The following REDIC1 variants were observed in gnomAD, a reference collection of about 807,000 sequenced individuals.
REDIC1 encodes HEI10 Interacting Protein 1.
the REDIC1 span, among the ~76,000 whole-genome samples, chr12:39,799,806 C>T: frequency 6.6e-6 from 1 of 152,106 alleles, no homozygotes; most frequent in Non-Finnish European, 1.5e-5. Context: ...AGCCTGGCAA[C>T]TGAGGAGAGC....
the REDIC1 span, among the ~76,000 whole-genome samples, chr12:39,868,976 T>C: frequency 2.6e-5 from 4 of 152,312 alleles, no homozygotes; most frequent in South Asian, 8.3e-4. Flanking sequence ...TCACTATTTT[T>C]AGTCCAATAT....
At chr12:39,650,345 G>T in the REDIC1 span, 8 of 1,609,488 alleles carry the variant, frequency 5.0e-6, no homozygotes, top group Non-Finnish European at 6.8e-6. This position sits in a 1 kb window ranked among gnomAD's most constrained non-coding sequence, Gnocchi z 4.3. Context: ...TTATTTGAAA[G>T]ATTAAACAGG....
chr12:39,686,502 T>C, the REDIC1 span, among the ~76,000 whole-genome samples: 1 of 152,188 alleles, frequency 6.6e-6, no homozygotes, highest in African/African-American at 2.4e-5. Context: ...GGAGCAGTGT[T>C]CTGAGGCTGC....
chr12:39,895,388 G>C, the REDIC1 span, among the ~76,000 whole-genome samples: 1 of 150,406 alleles, frequency 6.6e-6, no homozygotes, highest in Non-Finnish European at 1.5e-5. Flanking sequence ...TACTTGGCAG[G>C]CTGAGGCAGG....
At chr12:39,873,804 T>C in the REDIC1 span, among the ~76,000 whole-genome samples, 1 of 152,180 alleles carries the variant, frequency 6.6e-6, no homozygotes, top group Non-Finnish European at 1.5e-5. Context: ...CTATACAAAG[T>C]ATTTTAGGTA....
At chr12:39,773,130 G>A in the REDIC1 span, among the ~76,000 whole-genome samples, 1 of 152,346 alleles carries the variant, frequency 6.6e-6, no homozygotes, top group Non-Finnish European at 1.5e-5. Context: ...TTTGACATCA[G>A]TGTGTGGGCT....
the REDIC1 span, among the ~76,000 whole-genome samples, chr12:39,702,330 C>G: frequency 3.7e-4 from 57 of 152,278 alleles, 1 homozygote; most frequent in African/African-American, 1.3e-3. Context: ...ACTAGAAAAT[C>G]TAGAAGAAAT....
chr12:39,895,256 C>G, the REDIC1 span, among the ~76,000 whole-genome samples: 8 of 151,676 alleles, frequency 5.3e-5, no homozygotes, highest in Non-Finnish European at 7.4e-5. Context: ...AAAAAAAGGC[C>G]GAGGCGGGCG....
the REDIC1 span, among the ~76,000 whole-genome samples, chr12:39,697,353 A>G: frequency 6.6e-6 from 1 of 152,248 alleles, no homozygotes; most frequent in Non-Finnish European, 1.5e-5. Flanking sequence ...GTTCTGCAAG[A>G]AAATACTAAA....
the REDIC1 span, among the ~76,000 whole-genome samples, chr12:39,775,567 G>A: frequency 3.3e-5 from 5 of 152,314 alleles, no homozygotes; most frequent in Middle Eastern, 3.4e-3. Context: ...AAAATACTTT[G>A]AAGTTCTTTC....
chr12:39,852,284 A>T, the REDIC1 span, among the ~76,000 whole-genome samples: 1 of 152,324 alleles, frequency 6.6e-6, no homozygotes, highest in East Asian at 1.9e-4. Flanking sequence ...TGCTGGTCAG[A>T]TTTCCCTTTA....
the REDIC1 span, chr12:39,692,054 G>A: frequency 6.3e-7 from 1 of 1,575,242 alleles, no homozygotes; most frequent in Non-Finnish European, 8.6e-7. Flanking sequence ...CCTAGATTCT[G>A]ATGGAAGAAG....
the REDIC1 span, among the ~76,000 whole-genome samples, chr12:39,891,303 C>G: frequency 5.6e-3 from 852 of 151,562 alleles, 5 homozygotes; most frequent in Non-Finnish European, 7.6e-3. Flanking sequence ...CTTTACTTTC[C>G]TGACTCCTCC....
chr12:39,648,709 A>G, the REDIC1 span, among the ~76,000 whole-genome samples: 1 of 151,114 alleles, frequency 6.6e-6, no homozygotes, highest in Non-Finnish European at 1.5e-5. Flanking sequence ...TCTTATTTTT[A>G]GCATGCAGTG....
chr12:39,791,083 T>C, the REDIC1 span, among the ~76,000 whole-genome samples: 1 of 148,018 alleles, frequency 6.8e-6, no homozygotes, highest in East Asian at 2.0e-4. Context: ...TTTTTTCTTG[T>C]AAATTTGTTT....
the REDIC1 span, among the ~76,000 whole-genome samples, chr12:39,764,244 C>T: frequency 1.1e-4 from 17 of 151,998 alleles, no homozygotes; most frequent in Admixed American, 1.1e-3. Context: ...GCCCTAAGCA[C>T]TGTGGAACAA....
At chr12:39,793,987 G>C in the REDIC1 span, among the ~76,000 whole-genome samples, 29 of 152,030 alleles carry the variant, frequency 1.9e-4, 1 homozygote, top group Admixed American at 1.2e-3. Flanking sequence ...GTGGAGAACT[G>C]TAAAATTTTC....
chr12:39,632,701 C>G, the REDIC1 span, among the ~76,000 whole-genome samples: 1 of 152,144 alleles, frequency 6.6e-6, no homozygotes, highest in East Asian at 1.9e-4. Flanking sequence ...GTCTACTACA[C>G]ACCTATGCTA....
the REDIC1 span, among the ~76,000 whole-genome samples, chr12:39,699,410 C>T: frequency 1.3e-5 from 2 of 152,236 alleles, no homozygotes; most frequent in South Asian, 2.1e-4. Flanking sequence ...AAAAATGGCA[C>T]ACCAGGAGAT....
Sources: gnomAD v4.1 joint callset for allele counts (sites outside exome capture counted in the v4.1 genomes callset) on GRCh38, gnomAD v4.1.1 for gene constraint, Gnocchi (gnomAD v3.1) non-coding constraint, MANE v1.5 for transcripts, NCBI Gene and HGNC (gene_info 2026-07-23, HGNC 2026-07-21) for gene names.